Variants in RBFOX2 observed in about 807,000 individuals in gnomAD.
The protein encoded by RBFOX2 is RNA binding fox-1 homolog 2.
In RBFOX2, 10 loss-of-function variants were observed where a neutral mutation model predicts 49.1. That is an observed-to-expected ratio of 0.20 (90% CI 0.13 to 0.35). The LOEUF is 0.35. RBFOX2 is among the 10% of genes least tolerant of loss of function. RBFOX2 has a pLI of 1.00. For synonymous variants in RBFOX2, 183 were observed against 187.4 expected (o/e 0.98, Z 0.19); for missense variants, 323 against 486.9 (o/e 0.66, Z 3.17).
At position 35,921,724 on chromosome 22, in the gene RBFOX2, G is replaced by T. The variant is rs192395394; in HGVS notation, c.-34+17123C>A. On this transcript the variant is annotated intron_variant, in intron 1 of 13. Transcript: ENST00000359369. ...ATAACAATTATTAACACTGCATTTA[G>T]AATATTCTGGTTCCAGCATGGGAGA... 2.7e-4 allele frequency among the ~76,000 whole-genome samples: 41 copies of T among 152,314 alleles called. No individual in the cohort carries two copies. In the East Asian group the frequency reaches 7.7e-3, roughly 29 times the overall value.
intron 1 of RBFOX2, among the ~76,000 whole-genome samples, chr22:35,980,986 T>C (rs1170859490): frequency 2.0e-5 from 3 of 151,934 alleles, no homozygotes; most frequent in Middle Eastern, 3.2e-3. Flanking sequence ...ACAAGAAAAA[T>C]GGTAAAAAAG....
exon 12 of RBFOX2, chr22:35,742,142 C>A (rs1161367022): frequency 6.6e-6 from 1 of 152,218 alleles, no homozygotes; most frequent in Non-Finnish European, 1.5e-5. Context: ...CAGCAACAAA[C>A]CAAACTTTGG....
intron 1 of RBFOX2, among the ~76,000 whole-genome samples, chr22:35,920,514 T>C (rs2149583378): frequency 6.6e-6 from 1 of 152,292 alleles, no homozygotes; most frequent in East Asian, 1.9e-4. Context: ...CTCAAACATG[T>C]TTAGTATTGC....
chr22:35,845,521 A>G (rs532819188), upstream of RBFOX2, among the ~76,000 whole-genome samples: 3 of 152,314 alleles, frequency 2.0e-5, no homozygotes, highest in African/African-American at 7.2e-5. Flanking sequence ...AACCACAAAT[A>G]ACATAAACTA....
intron 1 of RBFOX2, among the ~76,000 whole-genome samples, chr22:35,978,282 AACAC>A (rs577013779): frequency 2.6e-5 from 4 of 152,198 alleles, no homozygotes; most frequent in Non-Finnish European, 4.4e-5. Context: ...TAAAATATGT[AACAC>A]ACACACAAAC....
chr22:35,882,575 A>G lies in RBFOX2; in HGVS notation c.-34+56272T>C, dbSNP rs117407059. 1.8e-3 allele frequency among the ~76,000 whole-genome samples: 274 copies of G among 152,338 alleles called. 4 individuals carry two copies. The East Asian group carries it at 0.046, about 26-fold the overall frequency. ...TGTATGCTGACGGGACTAATCCAATAAAGACAGAAAACTTGATGATCCCAG... is the reference window on the plus strand; with the variant it reads ...TGTATGCTGACGGGACTAATCCAATGAAGACAGAAAACTTGATGATCCCAG... On this transcript the variant is annotated intron_variant, in intron 1 of 13. Transcript: ENST00000359369.
intron 1 of RBFOX2, among the ~76,000 whole-genome samples, chr22:35,859,891 C>A (rs1293290851): frequency 6.6e-6 from 1 of 152,018 alleles, no homozygotes; most frequent in African/African-American, 2.4e-5. Flanking sequence ...ATTTACAAGA[C>A]AATATATAAA....
intron 1 of RBFOX2, among the ~76,000 whole-genome samples, chr22:35,950,885 G>A (rs1442340101): frequency 6.6e-6 from 1 of 150,446 alleles, no homozygotes; most frequent in Non-Finnish European, 1.5e-5. Flanking sequence ...TATATCTGCT[G>A]TTATTTAGAG....
chr22:35,778,315 G>A (rs1944392698), intron 3 of RBFOX2, among the ~76,000 whole-genome samples: 1 of 152,100 alleles, frequency 6.6e-6, no homozygotes, highest in Non-Finnish European at 1.5e-5. Flanking sequence ...CACAGTGTTA[G>A]CCCATTAGAT....
chr22:36,012,074 T>C (rs550605197), intron 1 of RBFOX2, among the ~76,000 whole-genome samples: 4 of 152,254 alleles, frequency 2.6e-5, no homozygotes, highest in Admixed American at 2.0e-4. Context: ...TGGAATAACT[T>C]TGAGATGAAA....
At chr22:35,903,741 C>G (rs545545269) in intron 1 of RBFOX2, among the ~76,000 whole-genome samples, 2 of 152,260 alleles carry the variant, frequency 1.3e-5, no homozygotes, top group South Asian at 2.1e-4. Flanking sequence ...ACAGCAACTT[C>G]TGTGTGTGTG....
chr22:36,027,090 T>G (rs143084018), intron 1 of RBFOX2, among the ~76,000 whole-genome samples: 2,558 of 152,216 alleles, frequency 0.017, 36 homozygotes, highest in Non-Finnish European at 0.024. Context: ...ATTCCCCATC[T>G]ATAAAATAAG....
intron 1 of RBFOX2, among the ~76,000 whole-genome samples, chr22:35,986,230 G>A (rs1175604915): frequency 2.0e-5 from 3 of 152,088 alleles, no homozygotes; most frequent in Non-Finnish European, 2.9e-5. Flanking sequence ...CACAAAGCAA[G>A]GAAATCAATT....
At chr22:36,005,814 C>A (rs1312712855) in intron 1 of RBFOX2, among the ~76,000 whole-genome samples, 1 of 152,196 alleles carries the variant, frequency 6.6e-6, no homozygotes, top group Non-Finnish European at 1.5e-5. Context: ...ATAACGTGTT[C>A]TAAACTTTTT....
At chr22:35,897,720 A>C in intron 1 of RBFOX2, 1 of 878,288 alleles carries the variant, frequency 1.1e-6, no homozygotes, top group Non-Finnish European at 2.0e-6. Context: ...CCAAGGAAAC[A>C]AGGGGTATAG....
chr22:35,832,128 T>C (rs1956921127), intron 1 of RBFOX2, among the ~76,000 whole-genome samples: 1 of 152,150 alleles, frequency 6.6e-6, no homozygotes, highest in Non-Finnish European at 1.5e-5. Context: ...TCCCAGCACT[T>C]TGGGAGGTCG....
chr22:35,843,879 C>A (rs1352848239), upstream of RBFOX2, among the ~76,000 whole-genome samples: 1 of 152,174 alleles, frequency 6.6e-6, no homozygotes, highest in Non-Finnish European at 1.5e-5. Context: ...TTATCAGATT[C>A]TCAAAAGGGT....
intron 1 of RBFOX2, among the ~76,000 whole-genome samples, chr22:35,928,160 C>G (rs1239994260): frequency 1.3e-5 from 2 of 151,982 alleles, no homozygotes; most frequent in East Asian, 1.9e-4. Context: ...CAAAAACTTG[C>G]CTAAAGTCAT....
chr22:35,834,300 T>C (rs1957277694), intron 1 of RBFOX2, among the ~76,000 whole-genome samples: 1 of 152,188 alleles, frequency 6.6e-6, no homozygotes. Context: ...AATGAGTTAA[T>C]GAGGGTAAAG....
Sources: allele counts gnomAD v4.1 joint callset (sites outside exome capture counted in the v4.1 genomes callset), GRCh38; gene constraint gnomAD v4.1.1; transcripts MANE v1.5; gene names NCBI Gene and HGNC (gene_info 2026-07-23, HGNC 2026-07-21).